PIWIL1: variants seen among roughly 807,000 people sequenced by gnomAD.
PIWIL1 encodes piwi-like protein 1.
In PIWIL1, 73 loss-of-function variants were observed where a neutral mutation model predicts 114.4. That is an observed-to-expected ratio of 0.64 (90% CI 0.53 to 0.78). The LOEUF (loss-of-function observed/expected upper bound fraction) is 0.78, where lower values mean the gene tolerates loss of function less well. PIWIL1 is among the 30% of genes least tolerant of loss of function. The pLI is 0.00. For missense variants in PIWIL1, 723 were observed against 1,063.1 expected, an observed-to-expected ratio of 0.68 and a Z score of 4.45; for synonymous variants, 375 against 369.0, an observed-to-expected ratio of 1.02 and a Z score of -0.19.
At chr12:130,368,205 C>T (rs1593123515) in intron 19 of PIWIL1, among the ~76,000 whole-genome samples, 1 of 152,180 alleles carries the variant, frequency 6.6e-6, no homozygotes, top group South Asian at 2.1e-4. Flanking sequence ...TCTAAGTTGA[C>T]ACTGTACTCA....
At chr12:130,411,640 C>T in the PIWIL1 span, among the ~76,000 whole-genome samples, 2 of 152,140 alleles carry the variant, frequency 1.3e-5, no homozygotes, top group Admixed American at 6.5e-5. Context: ...TGTACAGGGC[C>T]TGTGCTCTCT....
At chr12:130,338,825 GC>G (rs1264190370) in intron 1 of PIWIL1, among the ~76,000 whole-genome samples, 2 of 113,516 alleles carry the variant, frequency 1.8e-5, no homozygotes, top group Non-Finnish European at 3.6e-5. Context: ...AAGCGCTGAG[GC>G]CCGACTTGCC....
intron 7 of PIWIL1, among the ~76,000 whole-genome samples, chr12:130,348,974 T>C (rs939037185): frequency 2.6e-5 from 4 of 152,354 alleles, no homozygotes; most frequent in Non-Finnish European, 4.4e-5. Context: ...TTCAATTAGA[T>C]TGGCAACTTT....
the PIWIL1 span, among the ~76,000 whole-genome samples, chr12:130,422,763 G>A: frequency 2.6e-4 from 40 of 152,344 alleles, no homozygotes; most frequent in African/African-American, 8.7e-4. The surrounding 1 kb of genome is among the most constrained non-coding windows in gnomAD (Gnocchi z 5.2). Flanking sequence ...CCGCTGCTGG[G>A]CGCATGGTGG....
chr12:130,405,613 G>C, the PIWIL1 span, among the ~76,000 whole-genome samples: 1 of 151,108 alleles, frequency 6.6e-6, no homozygotes, highest in African/African-American at 2.4e-5. Context: ...CATGCTCCAG[G>C]GGAACAGAAA....
In PIWIL1 at chr12:130,348,764, G is replaced by A. The variant is rs550970738; in HGVS notation, c.735-475G>A. Among the ~76,000 whole-genome samples the A allele has an allele frequency of 1.8e-3, 277 of 152,280 alleles. 1 individual carries two copies. The highest frequency in any genetic ancestry group is 9.0e-4 in the Non-Finnish European group (61 of 68,028). On this transcript the variant is annotated intron_variant, in intron 7 of 20. Coordinates refer to ENST00000245255, the MANE Select transcript of PIWIL1 (RefSeq NM_004764.5). ...AAAAATACAAAGATTAGCCGGGTGT[G>A]GTGGCTGGCACCTGTAATCCCAGCT... is the stretch of plus-strand genomic sequence containing the variant.
chr12:130,413,447 T>G, the PIWIL1 span, among the ~76,000 whole-genome samples: 1,903 of 152,098 alleles, frequency 0.013, 41 homozygotes, highest in African/African-American at 0.043. Context: ...CTGGCTATCA[T>G]GGTGAATCCC....
At chr12:130,414,913 A>G in the PIWIL1 span, among the ~76,000 whole-genome samples, 22 of 152,204 alleles carry the variant, frequency 1.4e-4, no homozygotes, top group African/African-American at 1.7e-4. Context: ...TCAGGAAGAA[A>G]TCGAAACCCT....
At chr12:130,414,123 A>G in the PIWIL1 span, 1 of 1,613,992 alleles carries the variant, frequency 6.2e-7, no homozygotes, top group Non-Finnish European at 8.5e-7. Context: ...GCCATCCCGC[A>G]CCTTGATGAT....
At chr12:130,422,496 G>A in the PIWIL1 span, 10 of 1,613,230 alleles carry the variant, frequency 6.2e-6, no homozygotes, top group Admixed American at 1.7e-5. The surrounding 1 kb of genome is among the most constrained non-coding windows in gnomAD (Gnocchi z 5.2). Flanking sequence ...GAGGACCAGC[G>A]CTGCCACGGG....
the PIWIL1 span, chr12:130,425,220 G>A: frequency 5.2e-6 from 1 of 190,976 alleles, no homozygotes; most frequent in Non-Finnish European, 1.1e-5. Flanking sequence ...ACGGTGCCAG[G>A]GGAGACTGCC....
In PIWIL1 at chr12:130,372,285, G is replaced by A. The variant is rs374015145; in HGVS notation, c.*687G>A. The A allele has an allele frequency of 5.3e-5, 8 of 152,110 alleles. No individual in the cohort carries two copies. In the East Asian group the frequency reaches 7.7e-4, roughly 15 times the overall value. 9.4% of individuals were successfully genotyped at this position (152,110 alleles called of 1,614,324 possible). On this transcript the variant is annotated 3_prime_UTR_variant, in exon 21 of 21. Coordinates refer to ENST00000245255, the MANE Select transcript of PIWIL1 (RefSeq NM_004764.5). ...TTATTTTGTTTTGGAACTGGGACAT[G>A]ATTCTATTTGTTATAAAATAAAATT...
At chr12:130,380,335 C>T in the PIWIL1 span, among the ~76,000 whole-genome samples, 1 of 152,206 alleles carries the variant, frequency 6.6e-6, no homozygotes, top group South Asian at 2.1e-4. Flanking sequence ...CCTCTCCCCC[C>T]ACCCCCCAAC....
Position 130,361,340 on chromosome 12 carries a change from A to G in PIWIL1, c.1826A>G (p.Asn609Ser), listed in dbSNP as rs763000988. ...GCTACAAAGATTGCCCTACAGATGA[A>G]CTGCAAGATGGGAGGAGAGCTCTGG... ...AIATKIALQM[N>S]CKMGGELWRV... The change falls in exon 15 of 21, where the codon AAC becomes AGC. Residue 609 changes from asparagine (N) to serine (S), a missense_variant. Transcript: ENST00000245255. 1 of 1,614,238 alleles carries G rather than the reference A, an allele frequency of 6.2e-7. No individual in the cohort carries two copies. The highest frequency in any genetic ancestry group is 1.7e-5 in the Admixed American group (1 of 60,032).
the PIWIL1 span, among the ~76,000 whole-genome samples, chr12:130,379,440 G>A: frequency 1.2e-4 from 16 of 129,152 alleles, no homozygotes; most frequent in Admixed American, 2.4e-4. Flanking sequence ...CCTCATCCCA[G>A]TTCCCATCCA....
intron 9 of PIWIL1, among the ~76,000 whole-genome samples, chr12:130,354,321 G>T (rs1229128599): frequency 6.6e-6 from 1 of 152,046 alleles, no homozygotes; most frequent in African/African-American, 2.4e-5. Flanking sequence ...ACAGTTTTTA[G>T]GAAAAAGATA....
chr12:130,377,649 C>G, the PIWIL1 span, among the ~76,000 whole-genome samples: 1 of 152,244 alleles, frequency 6.6e-6, no homozygotes, highest in Non-Finnish European at 1.5e-5. Flanking sequence ...GGAGTAGGTC[C>G]AGTCCATCCT....
At position 130,366,009 on chromosome 12, in the gene PIWIL1, C is replaced by G. The variant is rs1159149155; in HGVS notation, c.2196-1124C>G. ...TCAAGTACTCTCACTGAGTTTCTTG[C>G]CCTATTCAATTTTCAGTGAAAAACA... On this transcript the variant is annotated intron_variant, in intron 18 of 20. Coordinates refer to ENST00000245255, the MANE Select transcript of PIWIL1 (RefSeq NM_004764.5). 1.3e-5 allele frequency among the ~76,000 whole-genome samples: 2 copies of G among 152,278 alleles called. 1 individual carries two copies. The highest frequency in any genetic ancestry group is 4.1e-4 in the South Asian group (2 of 4,828).
chr12:130,389,977 T>C, the PIWIL1 span, among the ~76,000 whole-genome samples: 15,229 of 152,252 alleles, frequency 0.1, 1,793 homozygotes, highest in African/African-American at 0.28. Context: ...TGCCATTTGA[T>C]AATTTAACTT....
Sources: gnomAD v4.1 joint callset for allele counts (sites outside exome capture counted in the v4.1 genomes callset) on GRCh38, gnomAD v4.1.1 for gene constraint, Gnocchi (gnomAD v3.1) non-coding constraint, MANE v1.5 for transcripts, NCBI Gene and HGNC (gene_info 2026-07-23, HGNC 2026-07-21) for gene names.